The following PCDH15 variants were observed in gnomAD, a reference collection of about 807,000 sequenced individuals.
PCDH15 encodes protocadherin-15.
A neutral mutation model predicts 178.5 loss-of-function variants in PCDH15; 129 were observed. The ratio of observed to expected loss-of-function variants is 0.72; its 90% confidence interval spans 0.63 to 0.84. The LOEUF is 0.84. Ranked by LOEUF, PCDH15 falls within the 40% of genes least tolerant of loss-of-function variation. The pLI, the probability that PCDH15 is intolerant of heterozygous loss-of-function variation, is 0.00. For synonymous variants in PCDH15, 800 were observed against 732.0 expected (o/e 1.09, Z -1.50); for missense variants, 2,230 against 2,099.9 (o/e 1.06, Z -1.21).
intron 2 of PCDH15, among the ~76,000 whole-genome samples, chr10:54,927,105 C>G (rs140612561): frequency 1.6e-3 from 240 of 152,038 alleles, no homozygotes; most frequent in African/African-American, 5.3e-3. Context: ...TTAACACTGC[C>G]TTAGCTGTGT....
intron 2 of PCDH15, among the ~76,000 whole-genome samples, chr10:55,622,104 ATT>A (rs1491140826): frequency 1.6e-4 from 11 of 68,964 alleles, no homozygotes; most frequent in Non-Finnish European, 2.2e-4. Flanking sequence ...ATGTATATAT[ATT>A]ATATATATCT....
At chr10:55,028,903 C>CTGATT (rs1840542495) in intron 2 of PCDH15, among the ~76,000 whole-genome samples, 1 of 152,008 alleles carries the variant, frequency 6.6e-6, no homozygotes, top group Non-Finnish European at 1.5e-5. Context: ...AATCCATATT[C>CTGATT]TGATTTAAAG....
At chr10:54,854,139 G>T (rs1441526037) in intron 3 of PCDH15, among the ~76,000 whole-genome samples, 2 of 152,130 alleles carry the variant, frequency 1.3e-5, no homozygotes, top group Non-Finnish European at 2.9e-5. Context: ...GCTAACATAG[G>T]CACTGACTCT....
chr10:55,497,836 T>C (rs1840569546), intron 2 of PCDH15, among the ~76,000 whole-genome samples: 1 of 151,742 alleles, frequency 6.6e-6, no homozygotes, highest in African/African-American at 2.4e-5. Flanking sequence ...AAGATGATTC[T>C]ATCTACACAT....
Position 55,087,448 on chromosome 10 carries a change from T to C in PCDH15, c.-80+79128A>G, listed in dbSNP as rs528084442. ...AAGCCAGATAAGTTCTGCTTAGACA[T>C]ACCAGGTTGACAGGTGCTATTTTTG... On this transcript the variant is annotated intron_variant, in intron 2 of 5. Transcript: ENST00000458638. Among the ~76,000 whole-genome samples the C allele has an allele frequency of 3.2e-4, 49 of 152,330 alleles. No homozygotes were observed. The South Asian group carries it at 9.3e-3, about 29-fold the overall frequency.
At chr10:54,331,062 G>A (rs374807479) in intron 6 of PCDH15, among the ~76,000 whole-genome samples, 1 of 151,682 alleles carries the variant, frequency 6.6e-6, no homozygotes, top group African/African-American at 2.4e-5. Context: ...AACTGTGTAT[G>A]TGAGAGAGAA....
chr10:55,576,629 C>A (rs1313457733), intron 2 of PCDH15, among the ~76,000 whole-genome samples: 1 of 151,822 alleles, frequency 6.6e-6, no homozygotes, highest in Non-Finnish European at 1.5e-5. Flanking sequence ...TTTTTAGTTT[C>A]AAATCAATAT....
chr10:54,529,058 G>A (rs1205487682), intron 2 of PCDH15, among the ~76,000 whole-genome samples: 1 of 151,800 alleles, frequency 6.6e-6, no homozygotes, highest in Non-Finnish European at 1.5e-5. Flanking sequence ...TGTGTTATTT[G>A]GGAAATAATT....
chr10:55,309,948 T>G (rs970074145), intron 1 of PCDH15, among the ~76,000 whole-genome samples: 12 of 152,198 alleles, frequency 7.9e-5, no homozygotes, highest in African/African-American at 1.2e-4. Flanking sequence ...CTATGCCTAT[T>G]CTACTTCCAT....
chr10:55,461,954 C>T (rs1404225302), intron 2 of PCDH15, among the ~76,000 whole-genome samples: 2 of 152,028 alleles, frequency 1.3e-5, no homozygotes, highest in Non-Finnish European at 2.9e-5. Flanking sequence ...TATGCCACTA[C>T]CAACTTTAGA....
At chr10:55,263,414 C>A (rs751069932) in intron 1 of PCDH15, among the ~76,000 whole-genome samples, 1 of 152,160 alleles carries the variant, frequency 6.6e-6, no homozygotes, top group Non-Finnish European at 1.5e-5. Flanking sequence ...CCTATGCCTC[C>A]ACCCCAACAG....
chr10:54,123,516 A>C (rs749008063), intron 15 of PCDH15, among the ~76,000 whole-genome samples: 1 of 152,116 alleles, frequency 6.6e-6, no homozygotes, highest in Non-Finnish European at 1.5e-5. Context: ...TAAAAGTAAA[A>C]CAACAACAGA....
At chr10:54,576,586 G>A (rs1376281662) in intron 2 of PCDH15, among the ~76,000 whole-genome samples, 8 of 152,090 alleles carry the variant, frequency 5.3e-5, no homozygotes, top group African/African-American at 1.2e-4. Context: ...AGTGATAAAG[G>A]ATCTCTGGGT....
Position 54,760,297 on chromosome 10 carries a change from A to G in PCDH15, c.-29+40628T>C, listed in dbSNP as rs891559471. 2.6e-5 allele frequency among the ~76,000 whole-genome samples: 4 copies of G among 152,168 alleles called. 1 individual carries two copies. The highest frequency in any genetic ancestry group is 9.7e-5 in the African/African-American group (4 of 41,432). Reference sequence around the variant, plus strand: ...TTTAATTTACCTCACTAGTTCTTTGAAGTTCTATTCACCATTAGCTCTTTG... The same window carrying G: ...TTTAATTTACCTCACTAGTTCTTTGGAGTTCTATTCACCATTAGCTCTTTG... On this transcript the variant is annotated intron_variant, in intron 1 of 37. Transcript: ENST00000644397.
intron 3 of PCDH15, among the ~76,000 whole-genome samples, chr10:54,855,826 T>C (rs1269366068): frequency 6.6e-6 from 1 of 152,174 alleles, no homozygotes; most frequent in East Asian, 1.9e-4. Flanking sequence ...ATAGGCTATG[T>C]TCCTTTTCAC....
chr10:54,827,926 TA>T (rs899901205), intron 3 of PCDH15, among the ~76,000 whole-genome samples: 81 of 152,212 alleles, frequency 5.3e-4, no homozygotes, highest in Middle Eastern at 3.4e-3. Context: ...AACTTCTTTT[TA>T]AACATTATAT....
chr10:55,035,667 A>G, intron 2 of PCDH15, among the ~76,000 whole-genome samples: 1 of 152,240 alleles, frequency 6.6e-6, no homozygotes, highest in East Asian at 1.9e-4. Context: ...AGGATGCTCA[A>G]TAAATGCTTA....
chr10:55,012,238 A>G (rs78461098), intron 2 of PCDH15, among the ~76,000 whole-genome samples: 1 of 152,232 alleles, frequency 6.6e-6, no homozygotes, highest in African/African-American at 2.4e-5. Context: ...AAGATATATT[A>G]AAAATATTGT....
chr10:55,351,899 A>G (rs1392314914), intron 2 of PCDH15, among the ~76,000 whole-genome samples: 1 of 152,092 alleles, frequency 6.6e-6, no homozygotes. Flanking sequence ...AATTCCTATT[A>G]TTTTACAAAT....
Sources: gnomAD v4.1 joint callset for allele counts (sites outside exome capture counted in the v4.1 genomes callset) on GRCh38, gnomAD v4.1.1 for gene constraint, MANE v1.5 for transcripts, NCBI Gene and HGNC (gene_info 2026-07-23, HGNC 2026-07-21) for gene names.